CSMD1: variants seen among roughly 807,000 people sequenced by gnomAD.
CSMD1 encodes CUB and Sushi multiple domains 1, also known as CUB and sushi domain-containing protein 1.
In CSMD1, 213 loss-of-function variants were observed where a neutral mutation model predicts 417.5. The observed-to-expected ratio is 0.51, with a 90% CI of 0.46 to 0.57. The LOEUF (loss-of-function observed/expected upper bound fraction) is 0.57. Ranked by LOEUF, CSMD1 falls within the 20% of genes least tolerant of loss-of-function variation. CSMD1 has a pLI of 0.00. For synonymous variants in CSMD1, 2,862 were observed against 1,736.8 expected (o/e 1.65, Z -16.11); for missense variants, 6,923 against 4,529.7 (o/e 1.53, Z -15.17).
chr8:4,527,002 T>C (rs1796547832), intron 2 of CSMD1, among the ~76,000 whole-genome samples: 1 of 152,204 alleles, frequency 6.6e-6, no homozygotes, highest in East Asian at 1.9e-4. Flanking sequence ...ACTTACAAAG[T>C]CTTTATAGAG....
intron 3 of CSMD1, among the ~76,000 whole-genome samples, chr8:4,093,615 G>A (rs182555282): frequency 6.6e-6 from 1 of 152,094 alleles, no homozygotes; most frequent in Non-Finnish European, 1.5e-5. Flanking sequence ...CTATTTGAAA[G>A]TCGAATTTAA....
chr8:2,953,861 T>G (rs776501204), intron 65 of CSMD1, among the ~76,000 whole-genome samples: 2 of 152,268 alleles, frequency 1.3e-5, no homozygotes, highest in Non-Finnish European at 2.9e-5. Context: ...CTCATTGATA[T>G]GAGCTTCCTC....
chr8:4,772,169 C>T (rs1006246225), intron 1 of CSMD1, among the ~76,000 whole-genome samples: 5 of 152,056 alleles, frequency 3.3e-5, no homozygotes, highest in African/African-American at 7.2e-5. Context: ...GGGATGAAGT[C>T]CTGTTTTCTT....
chr8:4,477,068 T>C (rs1296747324), intron 2 of CSMD1, among the ~76,000 whole-genome samples: 2 of 152,184 alleles, frequency 1.3e-5, no homozygotes, highest in Non-Finnish European at 1.5e-5. Context: ...TGCAGCTGTG[T>C]CAGGGAGAGG....
At chr8:4,329,333 G>A (rs980246038) in intron 3 of CSMD1, among the ~76,000 whole-genome samples, 1 of 152,012 alleles carries the variant, frequency 6.6e-6, no homozygotes, top group East Asian at 1.9e-4. Flanking sequence ...ATCTCACCCA[G>A]GCTGGAGTGC....
intron 1 of CSMD1, among the ~76,000 whole-genome samples, chr8:4,777,713 G>A (rs1005471998): frequency 6.6e-6 from 1 of 152,178 alleles, no homozygotes; most frequent in Non-Finnish European, 1.5e-5. Context: ...AATTACTTCT[G>A]CACCAACCTA....
chr8:3,543,953 A>G (rs1461792336), intron 10 of CSMD1, among the ~76,000 whole-genome samples: 1 of 152,214 alleles, frequency 6.6e-6, no homozygotes, highest in Non-Finnish European at 1.5e-5. Context: ...TGGCCAAAGC[A>G]AAGCAACTGA....
chr8:3,313,146 G>A (rs898673127), intron 23 of CSMD1, among the ~76,000 whole-genome samples: 3 of 152,126 alleles, frequency 2.0e-5, no homozygotes, highest in Admixed American at 2.0e-4. Flanking sequence ...TTAAATGTTA[G>A]ACCTAAAACC....
chr8:4,774,123 C>T (rs1039647375), intron 1 of CSMD1, among the ~76,000 whole-genome samples: 2 of 152,128 alleles, frequency 1.3e-5, no homozygotes, highest in African/African-American at 2.4e-5. Context: ...TCACTTGAAC[C>T]CAGGAGGTGG....
intron 3 of CSMD1, among the ~76,000 whole-genome samples, chr8:4,084,444 A>C (rs1014535460): frequency 6.6e-6 from 1 of 152,302 alleles, no homozygotes. Context: ...CACCCTTTAC[A>C]TGATTTTGTT....
At chr8:3,154,462 A>G (rs2129037032) in intron 39 of CSMD1, among the ~76,000 whole-genome samples, 1 of 152,330 alleles carries the variant, frequency 6.6e-6, no homozygotes, top group Middle Eastern at 3.4e-3. Flanking sequence ...GTAAAGGGAA[A>G]GGAGTTTATT....
chr8:3,334,676 T>A (rs144555118), intron 23 of CSMD1, among the ~76,000 whole-genome samples: 1 of 152,272 alleles, frequency 6.6e-6, no homozygotes, highest in East Asian at 1.9e-4. Context: ...GGCAAAAACA[T>A]AAATATGGAG....
At chr8:3,780,694 G>A (rs1158925545) in intron 5 of CSMD1, among the ~76,000 whole-genome samples, 1 of 152,192 alleles carries the variant, frequency 6.6e-6, no homozygotes, top group African/African-American at 2.4e-5. Context: ...TCGGCAGAAA[G>A]AGCCCAGCCT....
chr8:4,790,792 A>G (rs1006964631), intron 1 of CSMD1, among the ~76,000 whole-genome samples: 4 of 152,214 alleles, frequency 2.6e-5, no homozygotes, highest in African/African-American at 7.2e-5. Flanking sequence ...GCAGAAGACC[A>G]AAACTAAATT....
chr8:3,309,685 T>G (rs1256083535), intron 23 of CSMD1, among the ~76,000 whole-genome samples: 2 of 152,150 alleles, frequency 1.3e-5, no homozygotes, highest in Non-Finnish European at 2.9e-5. Context: ...CCACCAAACT[T>G]TGAATGCTTT....
At chr8:3,970,566 GA>G (rs1471663035) in intron 5 of CSMD1, among the ~76,000 whole-genome samples, 1 of 152,130 alleles carries the variant, frequency 6.6e-6, no homozygotes, top group Non-Finnish European at 1.5e-5. Context: ...ATTTGCAACG[GA>G]AATGTTGTTA....
intron 1 of CSMD1, among the ~76,000 whole-genome samples, chr8:4,918,964 G>T (rs1342933833): frequency 6.6e-6 from 1 of 151,940 alleles, no homozygotes; most frequent in Non-Finnish European, 1.5e-5. Flanking sequence ...TTTTTCCTTT[G>T]CTATTACGAT....
At chr8:3,693,825 G>C (rs776538699) in intron 7 of CSMD1, among the ~76,000 whole-genome samples, 24 of 151,186 alleles carry the variant, frequency 1.6e-4, no homozygotes, top group Non-Finnish European at 3.1e-4. Flanking sequence ...GTTTGTTATG[G>C]TGTGTGTGTT....
At chr8:3,884,944 TAC>T (rs1228777091) in intron 5 of CSMD1, among the ~76,000 whole-genome samples, 178 of 148,660 alleles carry the variant, frequency 1.2e-3, no homozygotes, top group African/African-American at 3.6e-3. Flanking sequence ...TATATATATA[TAC>T]ACACACACAC....
Sources: allele counts gnomAD v4.1 joint callset (sites outside exome capture counted in the v4.1 genomes callset), GRCh38; gene constraint gnomAD v4.1.1; transcripts MANE v1.5; gene names NCBI Gene and HGNC (gene_info 2026-07-23, HGNC 2026-07-21).